Variants in CHCHD4 observed in about 807,000 individuals in gnomAD.
CHCHD4 encodes mitochondrial intermembrane space import and assembly protein 40.
A neutral mutation model predicts 12.4 loss-of-function variants in CHCHD4; 7 were observed. The observed-to-expected ratio is 0.57, with a 90% CI of 0.32 to 1.06. The LOEUF is 1.06. Among genes scored for constraint, CHCHD4 ranks in the 50% least tolerant of loss-of-function variants. The probability of loss-of-function intolerance (pLI) is 0.04; values close to 1 mark genes in which losing one functional copy is unlikely to be tolerated. For synonymous variants in CHCHD4, 56 were observed against 58.0 expected, an observed-to-expected ratio of 0.97 and a Z score of 0.16; for missense variants, 143 against 175.1, an observed-to-expected ratio of 0.82 and a Z score of 1.03.
intron 2 of CHCHD4, among the ~76,000 whole-genome samples, chr3:14,114,513 G>A (rs544306580): frequency 6.6e-6 from 1 of 152,204 alleles, no homozygotes; most frequent in South Asian, 2.1e-4. Flanking sequence ...ACCACTTCTT[G>A]AAATGGACCT....
rs1414693754 is a variant in CHCHD4 at position 14,112,729 on chromosome 3, G to A, written c.*158C>T. On this transcript the variant is annotated 3_prime_UTR_variant, in exon 3 of 3. Transcript: ENST00000396914. ...CCATTTTTTTCAGTGTATATGTCAA[G>A]ATGTCAAGACCTCAAGACCTCTGAT... 1 of 667,634 alleles carries A rather than the reference G, an allele frequency of 1.5e-6. No homozygotes were observed. Among genetic ancestry groups the A allele is most frequent in the East Asian group, 2.7e-5 (1 of 36,424 alleles). The allele number at this position is 667,634 out of a possible 1,614,324, so 41.4% of individuals were successfully genotyped here. A position where few individuals can be genotyped will look rare whatever the true frequency, so the allele number is the denominator to read the frequency against.
chr3:14,112,318 A>T lies in CHCHD4; in HGVS notation c.*569T>A, dbSNP rs1694829921. The stretch of plus-strand genomic sequence containing the variant: ...GGAAGGGTCCAAATCTTCATCATCC[A>T]AACACAGAAAACCAGGAGCTCAACA... On this transcript the variant is annotated 3_prime_UTR_variant, in exon 3 of 3. Coordinates refer to ENST00000396914, the MANE Select transcript of CHCHD4 (RefSeq NM_001098502.2). 6.6e-6 allele frequency: 1 copy of T among 150,538 alleles called. No homozygotes were observed. Among genetic ancestry groups the T allele is most frequent in the Admixed American group, 6.6e-5 (1 of 15,232 alleles). The allele number at this position is 150,538 out of a possible 1,614,324, so 9.3% of individuals were successfully genotyped here.
intron 1 of CHCHD4, among the ~76,000 whole-genome samples, chr3:14,116,827 G>C (rs1327005366): frequency 1.3e-5 from 2 of 152,144 alleles, no homozygotes; most frequent in African/African-American, 2.4e-5. Flanking sequence ...CAGTGATGTG[G>C]GTCCTCAGCC....
chr3:14,116,326 A>T lies in CHCHD4; in HGVS notation c.121+100T>A. On this transcript the variant is annotated intron_variant, in intron 2 of 2. Coordinates refer to ENST00000396914, the MANE Select transcript of CHCHD4 (RefSeq NM_001098502.2). ...CTATGGCTGAGAATAGATACCTGAA[A>T]ACTTGGCCTTGGCTAGGAAAACATG... 4 of 837,718 alleles carry T rather than the reference A, an allele frequency of 4.8e-6. No homozygotes were observed. The Admixed American group carries it at 6.9e-5, about 14-fold the overall frequency. The allele number at this position is 837,718 out of a possible 1,614,324, so 51.9% of individuals were successfully genotyped here. A position where few individuals can be genotyped will look rare whatever the true frequency, so the allele number is the denominator to read the frequency against.
At chr3:14,119,521 A>G (rs144407715) in intron 1 of CHCHD4, among the ~76,000 whole-genome samples, 1 of 149,834 alleles carries the variant, frequency 6.7e-6, no homozygotes, top group African/African-American at 2.5e-5. Flanking sequence ...ACTGTGAAAG[A>G]AAGGACTGGT....
chr3:14,119,722 C>T (rs562658925), intron 1 of CHCHD4, among the ~76,000 whole-genome samples: 1 of 152,298 alleles, frequency 6.6e-6, no homozygotes, highest in East Asian at 1.9e-4. Flanking sequence ...CCCTCTGGTG[C>T]ACAGTGGCTT....
At chr3:14,116,804 C>G (rs2124976041) in intron 1 of CHCHD4, among the ~76,000 whole-genome samples, 1 of 152,332 alleles carries the variant, frequency 6.6e-6, no homozygotes, top group East Asian at 1.9e-4. Context: ...AGCACATTGG[C>G]AAAGTGAGTG....
intron 1 of CHCHD4, among the ~76,000 whole-genome samples, chr3:14,117,577 G>C (rs1329040414): frequency 6.6e-6 from 1 of 152,156 alleles, no homozygotes; most frequent in Non-Finnish European, 1.5e-5. Context: ...CACACCACAG[G>C]TATGTGTCAG....
intron 1 of CHCHD4, 117 bp from the exon 2 acceptor site, chr3:14,116,641 TGTGAG>T: frequency 1.3e-6 from 1 of 758,498 alleles, no homozygotes; most frequent in Non-Finnish European, 2.4e-6. Flanking sequence ...GCCATCCCTA[TGTGAG>T]GTGACTATCA....
In CHCHD4 at chr3:14,116,376, T is replaced by C. The variant is rs752403228; in HGVS notation, c.121+50A>G. ...GGGAAAGGAATTAAGAACACTGAGC[T>C]TCTCCCCAGTGCCCTGGTGTGGGTC... On this transcript the variant is annotated intron_variant, in intron 2 of 2. Coordinates refer to ENST00000396914, the MANE Select transcript of CHCHD4 (RefSeq NM_001098502.2). 5 of 1,215,316 alleles carry C rather than the reference T, an allele frequency of 4.1e-6. No homozygotes were observed. In the South Asian group the frequency reaches 6.0e-5, roughly 15 times the overall value. 75.3% of individuals were successfully genotyped at this position (1,215,316 alleles called of 1,614,324 possible). A position where few individuals can be genotyped will look rare whatever the true frequency, so the allele number is the denominator to read the frequency against.
chr3:14,123,454 A>G (rs1694961996), intron 1 of CHCHD4, among the ~76,000 whole-genome samples: 1 of 151,590 alleles, frequency 6.6e-6, no homozygotes, highest in South Asian at 2.1e-4. Flanking sequence ...TTATGGCTTT[A>G]CGACCCAGAG....
intron 2 of CHCHD4, among the ~76,000 whole-genome samples, 169 bp downstream of exon 2, chr3:14,116,257 C>T (rs1694874807): frequency 6.6e-6 from 1 of 152,156 alleles, no homozygotes; most frequent in Admixed American, 6.5e-5. Context: ...AAGCACAGTC[C>T]CTCAAACCTC....
rs1391232517 is a variant in CHCHD4 at position 14,121,900 on chromosome 3, A to G, written c.22+2755T>C. The G allele has an allele frequency of 3.1e-6, 5 of 1,614,216 alleles. No individual in the cohort carries two copies. In the East Asian group the frequency reaches 1.1e-4, roughly 36 times the overall value. ...TGTTAAGAAGAATGCAAGTGTTAGA[A>G]GTTTAGCTCAACAAACCTTCCTCAG... On this transcript the variant is annotated intron_variant, in intron 1 of 2. Transcript: ENST00000396914.
At chr3:14,123,861 G>A (rs1162149652) in intron 1 of CHCHD4, among the ~76,000 whole-genome samples, 26 of 152,180 alleles carry the variant, frequency 1.7e-4, no homozygotes, top group Admixed American at 1.5e-3. Flanking sequence ...CTGAGCTCTT[G>A]GGTAGAGTAA....
chr3:14,115,806 A>C (rs189927827), intron 2 of CHCHD4, among the ~76,000 whole-genome samples: 8 of 152,328 alleles, frequency 5.3e-5, no homozygotes, highest in Admixed American at 1.3e-4. Context: ...TAGATTGTTC[A>C]TGGACACTGC....
chr3:14,113,632 C>A (rs929476642), intron 2 of CHCHD4, among the ~76,000 whole-genome samples: 2 of 152,170 alleles, frequency 1.3e-5, no homozygotes, highest in South Asian at 4.1e-4. Context: ...CCCTGCCCCC[C>A]TGAGCCCCTC....
rs142859626 is a variant in CHCHD4, at chr3:14,121,984, G to GA, written c.22+2670dup. 28 of 1,614,102 alleles carry GA rather than the reference G, an allele frequency of 1.7e-5. No homozygotes were observed. The East Asian group carries it at 6.2e-4, about 36-fold the overall frequency. On this transcript the variant is annotated intron_variant, in intron 1 of 2. Transcript: ENST00000396914. ...ATGAATACGACACAGGCATCCAGTG[G>GA]AGAAGACGGAAGGGGAGGGATCCTA...
At chr3:14,113,831 T>C (rs990551202) in intron 2 of CHCHD4, among the ~76,000 whole-genome samples, 1 of 152,342 alleles carries the variant, frequency 6.6e-6, no homozygotes, top group South Asian at 2.1e-4. Flanking sequence ...ACATATGTGT[T>C]GGGCAGGAAG....
At position 14,116,440 on chromosome 3, in the gene CHCHD4, G is replaced by A. The variant is rs765216027; in HGVS notation, c.107C>T (p.Pro36Leu). The A allele has an allele frequency of 1.2e-6, 2 of 1,611,522 alleles. No homozygotes were observed. Among genetic ancestry groups the A allele is most frequent in the South Asian group, 1.1e-5 (1 of 91,028 alleles). ...ATGTCACTCACCATGCTCCTCGTAT[G>A]GATCGTTGGGGTCATCAGCCACCAA... Reference protein sequence around the residue: ...AELVADDPNDPYEEHGLILPN... With the variant: ...AELVADDPNDLYEEHGLILPN... The change falls in exon 2 of 3, where the codon CCA (proline) becomes CTA (leucine). Residue 36 changes from proline (P) to leucine (L), a missense_variant. Physicochemically the swap from Pro to Leu is moderately conservative, Grantham distance 98 (BLOSUM62 -3). Coordinates refer to ENST00000396914, the MANE Select transcript of CHCHD4 (RefSeq NM_001098502.2).
Sources: gnomAD v4.1 joint callset for allele counts (sites outside exome capture counted in the v4.1 genomes callset) on GRCh38, gnomAD v4.1.1 for gene constraint, MANE v1.5 for transcripts, NCBI Gene and HGNC (gene_info 2026-07-23, HGNC 2026-07-21) for gene names.